EFR3B: variants seen among roughly 807,000 people sequenced by gnomAD.
EFR3B encodes protein EFR3 homolog B.
Under a neutral mutation model 104.7 loss-of-function variants are expected in EFR3B, and 64 were observed. The ratio of observed to expected loss-of-function variants is 0.61; its 90% CI spans 0.50 to 0.75. The LOEUF (loss-of-function observed/expected upper bound fraction) is 0.75. Among genes scored for constraint, EFR3B ranks in the 30% least tolerant of loss-of-function variants. EFR3B has a pLI of 0.00. For synonymous variants in EFR3B, 385 were observed against 417.9 expected, an observed-to-expected ratio of 0.92 and a Z score of 0.96; for missense variants, 750 against 1,078.5, an observed-to-expected ratio of 0.70 and a Z score of 4.27.
At chr2:25,065,892 G>C (rs1558587336) in intron 1 of EFR3B, among the ~76,000 whole-genome samples, 1 of 152,022 alleles carries the variant, frequency 6.6e-6, no homozygotes, top group Non-Finnish European at 1.5e-5. Context: ...GCTGTCTCCT[G>C]CCTCTGAATG....
At chr2:25,115,017 G>T (rs1019175391) in intron 4 of EFR3B, among the ~76,000 whole-genome samples, 2 of 151,994 alleles carry the variant, frequency 1.3e-5, no homozygotes, top group South Asian at 4.1e-4. Context: ...AACCCCATCT[G>T]TACAAAATAA....
intron 5 of EFR3B, 42 bp from the exon 6 acceptor site, chr2:25,128,141 G>C: frequency 6.5e-7 from 1 of 1,550,198 alleles, no homozygotes; most frequent in Non-Finnish European, 8.7e-7. Flanking sequence ...ACTTCTCAGG[G>C]CTAGAGGACT....
At chr2:25,141,299 C>T (rs1670659814) in intron 16 of EFR3B, 67 bp from the exon 17 acceptor site, 1 of 1,520,084 alleles carries the variant, frequency 6.6e-7, no homozygotes, top group Non-Finnish European at 8.9e-7. Context: ...CATGGGAGCT[C>T]TTTCGTTGCC....
chr2:25,157,645 G>A lies in EFR3B; in HGVS notation c.*3305G>A, dbSNP rs1399525593. 1 of 152,314 alleles carries A rather than the reference G, an allele frequency of 6.6e-6. No homozygotes were observed. Among genetic ancestry groups the A allele is most frequent in the Non-Finnish European group, 1.5e-5 (1 of 68,086 alleles). 9.4% of individuals were successfully genotyped at this position (152,314 alleles called of 1,614,324 possible). On this transcript the variant is annotated 3_prime_UTR_variant, in exon 23 of 23. Coordinates refer to ENST00000403714, the MANE Select transcript of EFR3B (RefSeq NM_014971.2). ...TCTGCTGACAGCACTGAGTAGGCAGGAATGTATTTGAGATTTGGAAGTACT... is the reference window on the plus strand; with the variant it reads ...TCTGCTGACAGCACTGAGTAGGCAGAAATGTATTTGAGATTTGGAAGTACT...
Position 25,137,366 on chromosome 2 carries a change from T to A in EFR3B, c.1586T>A (p.Ile529Asn). The change falls in exon 15 of 23, where the codon ATC becomes AAC. Residue 529 changes from isoleucine (I) to asparagine (N), a missense_variant. Ile to Asn is a moderately radical substitution (Grantham distance 149). Coordinates refer to ENST00000403714, the MANE Select transcript of EFR3B (RefSeq NM_014971.2). The surrounding 1 kb of genome is among the most constrained non-coding windows in gnomAD (Gnocchi z 4.7). ...CACTCCCAGCAGCTCTACAGACACA[T>A]CTACCTGAGCTGCAAGGAGGAAACA... ...KKHSQQLYRH[I>N]YLSCKEETNV... 4 of 1,552,082 alleles carry A rather than the reference T, an allele frequency of 2.6e-6. No individual in the cohort carries two copies. The highest frequency in any genetic ancestry group is 3.5e-6 in the Non-Finnish European group (4 of 1,147,098).
intron 17 of EFR3B, among the ~76,000 whole-genome samples, chr2:25,142,273 T>C (rs1670690403): frequency 1.3e-5 from 2 of 151,902 alleles, no homozygotes; most frequent in South Asian, 4.2e-4. Context: ...TGAAACCCCA[T>C]CTCTACTAAA....
At chr2:25,118,865 C>A (rs1364660044) in intron 4 of EFR3B, among the ~76,000 whole-genome samples, 1 of 151,546 alleles carries the variant, frequency 6.6e-6, no homozygotes, top group East Asian at 1.9e-4. Context: ...ATGGTGAAAC[C>A]CCGTCTCAAC....
intron 11 of EFR3B, 63 bp downstream of exon 11, chr2:25,133,077 C>T: frequency 1.4e-6 from 2 of 1,406,318 alleles, no homozygotes; most frequent in Non-Finnish European, 2.0e-6. Flanking sequence ...TTCTGACCCC[C>T]TCCTTTATCC....
At chr2:25,101,106 G>C (rs1246688287) in intron 3 of EFR3B, among the ~76,000 whole-genome samples, 1 of 152,234 alleles carries the variant, frequency 6.6e-6, no homozygotes, top group Non-Finnish European at 1.5e-5. Context: ...TCAAAAGACA[G>C]TGGCTCCAGC....
chr2:25,142,240 C>T (rs748358502), intron 17 of EFR3B, among the ~76,000 whole-genome samples: 1 of 151,910 alleles, frequency 6.6e-6, no homozygotes, highest in Admixed American at 6.6e-5. Context: ...GTCAGAAGTT[C>T]GAGACCATCC....
intron 3 of EFR3B, among the ~76,000 whole-genome samples, chr2:25,096,091 C>G (rs1156683995): frequency 6.6e-6 from 1 of 152,044 alleles, no homozygotes; most frequent in African/African-American, 2.4e-5. Flanking sequence ...TCTTGGCTCA[C>G]TGCAACCTCT....
At chr2:25,135,419 T>C in intron 12 of EFR3B, 48 bp from the exon 13 acceptor site, 2 of 1,544,750 alleles carry the variant, frequency 1.3e-6, no homozygotes, top group Non-Finnish European at 1.8e-6. Context: ...CTCCTGCACC[T>C]GAGAGGGACA....
chr2:25,111,781 G>A (rs1558606203), intron 4 of EFR3B, among the ~76,000 whole-genome samples: 1 of 152,200 alleles, frequency 6.6e-6, no homozygotes, highest in Admixed American at 6.5e-5. Context: ...CCTGCTGCTG[G>A]CTTTGAAGAT....
In EFR3B at chr2:25,141,481, G is replaced by GT. The variant is rs777888609; in HGVS notation, c.1922+49dup. Reference sequence around the variant, plus strand: ...GGTCAGGGATCCCCAGGGCAGCTGAGTAAGCAGGTGGGTGGTCTGAGGTCA... The same window carrying GT: ...GGTCAGGGATCCCCAGGGCAGCTGAGTTAAGCAGGTGGGTGGTCTGAGGTCA... On this transcript the variant is annotated intron_variant, in intron 17 of 22. Coordinates refer to ENST00000403714, the MANE Select transcript of EFR3B (RefSeq NM_014971.2). 4 of 1,544,742 alleles carry GT rather than the reference G, an allele frequency of 2.6e-6. No homozygotes were observed. In the South Asian group the frequency reaches 4.8e-5, roughly 19 times the overall value.
At chr2:25,101,394 G>C (rs986935063) in intron 3 of EFR3B, among the ~76,000 whole-genome samples, 1 of 152,144 alleles carries the variant, frequency 6.6e-6, no homozygotes, top group African/African-American at 2.4e-5. Flanking sequence ...CTGTCCCCCA[G>C]GCTGGAGTAC....
chr2:25,083,571 G>A (rs1019456912), intron 1 of EFR3B, among the ~76,000 whole-genome samples: 4 of 152,066 alleles, frequency 2.6e-5, no homozygotes, highest in African/African-American at 9.7e-5. Flanking sequence ...GGTGCTTGTG[G>A]GTTCCCAGCA....
intron 3 of EFR3B, among the ~76,000 whole-genome samples, chr2:25,098,263 C>T (rs1669336122): frequency 6.6e-6 from 1 of 152,162 alleles, no homozygotes; most frequent in Admixed American, 6.5e-5. Flanking sequence ...GGCCACTGCT[C>T]TTGAGCGATT....
intron 1 of EFR3B, chr2:25,079,993 C>T: frequency 9.8e-7 from 1 of 1,021,698 alleles, no homozygotes. Context: ...GCAGTTTCCT[C>T]CAAGTCGTCA....
chr2:25,150,526 T>A (rs1057184884), intron 20 of EFR3B, among the ~76,000 whole-genome samples: 4 of 152,138 alleles, frequency 2.6e-5, no homozygotes, highest in Admixed American at 6.5e-5. Flanking sequence ...TTTCTAACTG[T>A]TGACAGATTA....
Sources: gnomAD v4.1 joint callset for allele counts (sites outside exome capture counted in the v4.1 genomes callset) on GRCh38, gnomAD v4.1.1 for gene constraint, Gnocchi (gnomAD v3.1) non-coding constraint, MANE v1.5 for transcripts, NCBI Gene and HGNC (gene_info 2026-07-23, HGNC 2026-07-21) for gene names.